ERBB4: variants seen among roughly 807,000 people sequenced by gnomAD.
ERBB4 encodes erb-b2 receptor tyrosine kinase 4.
A neutral mutation model predicts 158.0 loss-of-function variants in ERBB4; 42 were observed. The observed-to-expected ratio is 0.27, with a 90% CI of 0.21 to 0.34. The LOEUF (loss-of-function observed/expected upper bound fraction) is 0.34, where lower values mean the gene tolerates loss of function less well. ERBB4 is among the 10% of genes least tolerant of loss of function. ERBB4 has a pLI of 1.00. For missense variants in ERBB4, 1,333 were observed against 1,624.1 expected (o/e 0.82, Z 3.08); for synonymous variants, 583 against 558.7 (o/e 1.04, Z -0.61).
At chr2:211,762,805 CAT>C (rs1396372628) in intron 4 of ERBB4, among the ~76,000 whole-genome samples, 1 of 152,222 alleles carries the variant, frequency 6.6e-6, no homozygotes, top group African/African-American at 2.4e-5. Flanking sequence ...TGTTTTCTCA[CAT>C]GACTCTCACT....
chr2:212,388,831 T>G (rs979523843), intron 1 of ERBB4, among the ~76,000 whole-genome samples: 10 of 152,088 alleles, frequency 6.6e-5, no homozygotes, highest in African/African-American at 2.4e-4. Context: ...ACCACAAATT[T>G]GTTGATGAAA....
chr2:211,929,691 T>C (rs1014022565), intron 3 of ERBB4, among the ~76,000 whole-genome samples: 2 of 152,176 alleles, frequency 1.3e-5, no homozygotes, highest in Non-Finnish European at 2.9e-5. Flanking sequence ...TTTCTGACCA[T>C]GAATAGAGAA....
At chr2:212,348,827 A>G (rs1449624688) in intron 1 of ERBB4, among the ~76,000 whole-genome samples, 1 of 152,120 alleles carries the variant, frequency 6.6e-6, no homozygotes, top group Non-Finnish European at 1.5e-5. Context: ...GCTCATAATA[A>G]AATTAATGAC....
chr2:212,323,384 G>T (rs1173891147), intron 1 of ERBB4, among the ~76,000 whole-genome samples: 1 of 150,466 alleles, frequency 6.6e-6, no homozygotes, highest in East Asian at 1.9e-4. Context: ...TAAGAATGCT[G>T]CTATATCTTT....
chr2:212,271,937 C>G (rs4672643), intron 1 of ERBB4, among the ~76,000 whole-genome samples: 61,046 of 151,610 alleles, frequency 0.4, 13,944 homozygotes, highest in East Asian at 0.73. Context: ...ATGAGGTTCT[C>G]TAGCAAACTT....
At chr2:212,012,415 ATTTT>A (rs34430050) in intron 2 of ERBB4, among the ~76,000 whole-genome samples, 2 of 126,564 alleles carry the variant, frequency 1.6e-5, no homozygotes, top group Non-Finnish European at 1.7e-5. Context: ...TAAGAACTGC[ATTTT>A]TTTTTTTTTT....
At chr2:212,361,117 G>A (rs946018276) in intron 1 of ERBB4, among the ~76,000 whole-genome samples, 2 of 151,438 alleles carry the variant, frequency 1.3e-5, no homozygotes, top group African/African-American at 4.8e-5. Context: ...CTATCCCCAA[G>A]GTCCATAAAG....
chr2:211,844,813 A>G (rs1183451425), intron 3 of ERBB4, among the ~76,000 whole-genome samples: 1 of 152,170 alleles, frequency 6.6e-6, no homozygotes, highest in Admixed American at 6.6e-5. Flanking sequence ...TAACGACTAC[A>G]TTAAGCACCA....
intron 1 of ERBB4, among the ~76,000 whole-genome samples, chr2:212,288,478 G>C (rs914441345): frequency 6.6e-6 from 1 of 152,030 alleles, no homozygotes; most frequent in African/African-American, 2.4e-5. Context: ...GCACTGGGAG[G>C]AATGCGCACT....
chr2:211,817,359 G>C (rs191304574), intron 3 of ERBB4, among the ~76,000 whole-genome samples: 1 of 152,138 alleles, frequency 6.6e-6, no homozygotes, highest in Non-Finnish European at 1.5e-5. Flanking sequence ...AGGGGTTGTC[G>C]TAGACAGAGC....
chr2:211,734,495 A>T (rs2074535803), intron 5 of ERBB4, among the ~76,000 whole-genome samples: 1 of 152,076 alleles, frequency 6.6e-6, no homozygotes, highest in African/African-American at 2.4e-5. Flanking sequence ...CTGTGGACAA[A>T]TATGTATAGA....
At chr2:212,339,784 AAT>A (rs1175837402) in intron 1 of ERBB4, among the ~76,000 whole-genome samples, 4 of 152,162 alleles carry the variant, frequency 2.6e-5, no homozygotes, top group African/African-American at 9.7e-5. Flanking sequence ...TCACATTAAA[AAT>A]ATGCTTTTTT....
intron 2 of ERBB4, among the ~76,000 whole-genome samples, chr2:212,068,711 T>C (rs571926912): frequency 8.4e-4 from 128 of 152,058 alleles, no homozygotes; most frequent in Non-Finnish European, 1.6e-3. Flanking sequence ...TCAGACCCTC[T>C]CTGTCTGCGA....
chr2:212,227,834 A>C, intron 1 of ERBB4, among the ~76,000 whole-genome samples: 1 of 152,130 alleles, frequency 6.6e-6, no homozygotes, highest in East Asian at 1.9e-4. Context: ...TAAAAAAAAA[A>C]AGTCTTATGG....
intron 20 of ERBB4, among the ~76,000 whole-genome samples, chr2:211,512,808 C>T (rs184625874): frequency 1.4e-4 from 22 of 152,236 alleles, no homozygotes; most frequent in Admixed American, 2.6e-4. Flanking sequence ...AACTAAGTAC[C>T]TGACCCATCT....
chr2:211,847,492 C>A (rs1166691118), intron 3 of ERBB4, among the ~76,000 whole-genome samples: 1 of 152,096 alleles, frequency 6.6e-6, no homozygotes, highest in Admixed American at 6.6e-5. Flanking sequence ...TGTAAGTTAT[C>A]TATAAAGGCT....
At chr2:211,842,528 A>C (rs1429505345) in intron 3 of ERBB4, among the ~76,000 whole-genome samples, 1 of 147,834 alleles carries the variant, frequency 6.8e-6, no homozygotes, top group Non-Finnish European at 1.5e-5. Flanking sequence ...TATATTGCAA[A>C]CATAATGTGT....
chr2:211,468,241 AAC>A (rs1272285411), intron 20 of ERBB4, among the ~76,000 whole-genome samples: 1 of 152,180 alleles, frequency 6.6e-6, no homozygotes, highest in Non-Finnish European at 1.5e-5. Flanking sequence ...AGGATATGCT[AAC>A]ACATGTCTGT....
At chr2:211,762,474 AAG>A (rs1351579440) in intron 4 of ERBB4, among the ~76,000 whole-genome samples, 1 of 152,198 alleles carries the variant, frequency 6.6e-6, no homozygotes, top group East Asian at 1.9e-4. Context: ...GAGAGAGAAA[AAG>A]AAGGCAGGAA....
Sources: allele counts gnomAD v4.1 joint callset (sites outside exome capture counted in the v4.1 genomes callset), GRCh38; gene constraint gnomAD v4.1.1; transcripts MANE v1.5; gene names NCBI Gene and HGNC (gene_info 2026-07-23, HGNC 2026-07-21).